Variants in NUP153 observed in about 807,000 individuals in gnomAD.
The protein encoded by NUP153 is nuclear pore complex protein Nup153.
A neutral mutation model predicts 134.6 loss-of-function variants in NUP153; 27 were observed. The observed-to-expected ratio is 0.20, with a 90% CI of 0.15 to 0.28. The LOEUF (loss-of-function observed/expected upper bound fraction) is 0.28. Ranked by LOEUF, NUP153 falls within the 10% of genes least tolerant of loss-of-function variation. NUP153 has a pLI of 1.00. For synonymous variants in NUP153, 640 were observed against 623.5 expected, an observed-to-expected ratio of 1.03 and a Z score of -0.40; for missense variants, 1,821 against 1,731.3, an observed-to-expected ratio of 1.05 and a Z score of -0.92.
intron 11 of NUP153, among the ~76,000 whole-genome samples, chr6:17,657,645 A>G (rs909195771): frequency 4.6e-5 from 7 of 152,184 alleles, no homozygotes; most frequent in African/African-American, 1.4e-4. Flanking sequence ...TATCTATACA[A>G]TGCATCATCT....
At chr6:17,658,425 C>T (rs1183778955) in intron 11 of NUP153, among the ~76,000 whole-genome samples, 2 of 151,922 alleles carry the variant, frequency 1.3e-5, no homozygotes, top group South Asian at 2.1e-4. Context: ...CAAAACAAAA[C>T]ACCCAAAGAA....
intron 1 of NUP153, among the ~76,000 whole-genome samples, chr6:17,697,531 G>A (rs569065052): frequency 6.2e-4 from 95 of 152,198 alleles, no homozygotes; most frequent in African/African-American, 2.2e-3. Flanking sequence ...ATTAAAAAAT[G>A]CAAAAATTAG....
intron 2 of NUP153, among the ~76,000 whole-genome samples, chr6:17,683,919 GGGGTCATGGGAAGTCTTT>G (rs1490196892): frequency 2.0e-5 from 3 of 152,278 alleles, no homozygotes; most frequent in South Asian, 4.1e-4. Flanking sequence ...TGTTGGAAGT[GGGGTCATGGGAAGTCTTT>G]GGGTCATGGG....
At chr6:17,678,906 A>C (rs1458084811) in intron 2 of NUP153, among the ~76,000 whole-genome samples, 1 of 151,484 alleles carries the variant, frequency 6.6e-6, no homozygotes, top group Admixed American at 6.6e-5. Flanking sequence ...TGATGGCACC[A>C]CTGCACTCCA....
rs12190799 is a variant in NUP153 at position 17,697,033 on chromosome 6, T to C, written c.112-8415A>G. ...TTGCAGTGAGCCCAGATCACACCAC[T>C]GCACTCCAGCCTGGGCTACAGAGCA... On this transcript the variant is annotated intron_variant, in intron 1 of 21. Transcript: ENST00000262077. Among the ~76,000 whole-genome samples, 324 of 151,430 alleles carry C rather than the reference T, an allele frequency of 2.1e-3. 1 individual carries two copies. The highest frequency in any genetic ancestry group is 3.0e-3 in the Non-Finnish European group (206 of 67,922).
intron 20 of NUP153, among the ~76,000 whole-genome samples, chr6:17,620,227 T>C (rs1012943135): frequency 8.6e-5 from 13 of 151,774 alleles, no homozygotes; most frequent in African/African-American, 2.4e-4. Flanking sequence ...TCATACTATC[T>C]GACTTCAAAA....
chr6:17,648,802 CA>C (rs35988815), intron 12 of NUP153, among the ~76,000 whole-genome samples: 62,721 of 141,600 alleles, frequency 0.44, 14,231 homozygotes, highest in Middle Eastern at 0.72. Context: ...GACACCATCT[CA>C]AAAAAAAAAA....
At chr6:17,631,719 C>T (rs1765264046) in intron 17 of NUP153, among the ~76,000 whole-genome samples, 1 of 152,200 alleles carries the variant, frequency 6.6e-6, no homozygotes, top group Non-Finnish European at 1.5e-5. Flanking sequence ...GTAATCCCAG[C>T]ACTTTGGGAG....
chr6:17,645,368 A>C (rs2113794797), intron 14 of NUP153, among the ~76,000 whole-genome samples: 1 of 151,664 alleles, frequency 6.6e-6, no homozygotes, highest in South Asian at 2.1e-4. Flanking sequence ...ATCATAGCTC[A>C]CTGTAGCCTT....
intron 5 of NUP153, among the ~76,000 whole-genome samples, chr6:17,674,325 T>A (rs1380747181): frequency 6.6e-6 from 1 of 152,188 alleles, no homozygotes; most frequent in Non-Finnish European, 1.5e-5. Flanking sequence ...GTGTAATTTA[T>A]ACGTCATTTA....
chr6:17,615,953 C>T lies in NUP153; in HGVS notation c.*144G>A, dbSNP rs1046107216. On this transcript the variant is annotated 3_prime_UTR_variant, in exon 22 of 22. Coordinates refer to ENST00000262077, the MANE Select transcript of NUP153 (RefSeq NM_005124.4). The surrounding 1 kb of genome is among the most constrained non-coding windows in gnomAD (Gnocchi z 5.7). Reference sequence around the variant, plus strand: ...GTGAGGCAGGGTGGGGCTTCTGTAACGAAAGAGAAAGGAGGAAAATTCCAA... The same window carrying T: ...GTGAGGCAGGGTGGGGCTTCTGTAATGAAAGAGAAAGGAGGAAAATTCCAA... 17 of 548,844 alleles carry T rather than the reference C, an allele frequency of 3.1e-5. No individual in the cohort carries two copies. The highest frequency in any genetic ancestry group is 5.1e-5 in the Non-Finnish European group (16 of 313,768). 34.0% of individuals were successfully genotyped at this position (548,844 alleles called of 1,614,324 possible). A position where few individuals can be genotyped will look rare whatever the true frequency, so the allele number is the denominator to read the frequency against.
rs1554148664 is a variant in NUP153, at chr6:17,701,842, G to GGC, written c.111+4434_111+4435insGC. ...AGCAAGACTCTGTCTCGGGGGGGGG[G>GGC]GGAAAAAAGCTAAATGCAGGAACTG... On this transcript the variant is annotated intron_variant, in intron 1 of 21. Coordinates refer to ENST00000262077, the MANE Select transcript of NUP153 (RefSeq NM_005124.4). Among the ~76,000 whole-genome samples the GGC allele has an allele frequency of 2.5e-4, 26 of 103,030 alleles. 3 individuals carry two copies. The East Asian group carries it at 3.9e-3, about 15-fold the overall frequency. The allele number at this position is 103,030 out of a possible 152,430, so 67.6% of individuals were successfully genotyped here. A position where few individuals can be genotyped will look rare whatever the true frequency, so the allele number is the denominator to read the frequency against.
intron 18 of NUP153, among the ~76,000 whole-genome samples, chr6:17,627,249 C>A (rs1764991868): frequency 6.6e-6 from 1 of 152,072 alleles, no homozygotes; most frequent in East Asian, 1.9e-4. Context: ...TCTGATTAGA[C>A]CCTATCATGT....
Position 17,628,516 on chromosome 6 carries a change from T to C in NUP153, c.3544+139A>G. 1 of 410,078 alleles carries C rather than the reference T, an allele frequency of 2.4e-6. No individual in the cohort carries two copies. Among genetic ancestry groups the C allele is most frequent in the African/African-American group, 2.1e-5 (1 of 48,666 alleles). The allele number at this position is 410,078 out of a possible 1,614,324, so 25.4% of individuals were successfully genotyped here. A position where few individuals can be genotyped will look rare whatever the true frequency, so the allele number is the denominator to read the frequency against. On this transcript the variant is annotated intron_variant, in intron 18 of 21. Coordinates refer to ENST00000262077, the MANE Select transcript of NUP153 (RefSeq NM_005124.4). This position sits in a 1 kb window ranked among gnomAD's most constrained non-coding sequence, Gnocchi z 5.4. ...GTTCAAACTGAAAATCCTAGGTTCCTTCCCAAAGAGTTCTGTATTTCTCAA... is the reference window on the plus strand; with the variant it reads ...GTTCAAACTGAAAATCCTAGGTTCCCTCCCAAAGAGTTCTGTATTTCTCAA...
chr6:17,693,151 T>A (rs1208602998), intron 1 of NUP153, among the ~76,000 whole-genome samples: 1 of 150,888 alleles, frequency 6.6e-6, no homozygotes, highest in Non-Finnish European at 1.5e-5. Context: ...AAGTTTTTCT[T>A]TACTCACTTT....
At chr6:17,699,339 A>G (rs1476522486) in intron 1 of NUP153, among the ~76,000 whole-genome samples, 1 of 151,898 alleles carries the variant, frequency 6.6e-6, no homozygotes, top group Non-Finnish European at 1.5e-5. Context: ...TACTAAAGAT[A>G]TAAAAACTTA....
intron 2 of NUP153, among the ~76,000 whole-genome samples, chr6:17,687,623 GAGA>G (rs750088741): frequency 5.8e-4 from 88 of 152,226 alleles, no homozygotes; most frequent in Non-Finnish European, 6.2e-4. Flanking sequence ...ATCAGGCAGG[GAGA>G]TGTTACTAAG....
chr6:17,662,437 T>C (rs1490716185), intron 9 of NUP153, among the ~76,000 whole-genome samples: 2 of 152,178 alleles, frequency 1.3e-5, no homozygotes, highest in African/African-American at 4.8e-5. Context: ...AAAGAATTAA[T>C]ACTTCCACTG....
chr6:17,665,313 C>T lies in NUP153; in HGVS notation c.1141G>A (p.Val381Ile). Residue 381 changes from valine (V) to isoleucine (I), a missense_variant, in exon 9 of 22, where the codon GTT becomes ATT. Val to Ile is a conservative substitution (Grantham distance 29, BLOSUM62 3). Coordinates refer to ENST00000262077, the MANE Select transcript of NUP153 (RefSeq NM_005124.4). ...GGAGTCAGAGATGGTTTAAAATAAA[C>T]ACTTCGATTTGTTGCTATGGAAACT... Reference protein sequence around the residue: ...KPVSIATNRSVYFKPSLTPSG... With the variant: ...KPVSIATNRSIYFKPSLTPSG... 6.2e-7 allele frequency: 1 copy of T among 1,613,292 alleles called. No homozygotes were observed. The highest frequency in any genetic ancestry group is 8.5e-7 in the Non-Finnish European group (1 of 1,179,388).
Sources: allele counts gnomAD v4.1 joint callset (sites outside exome capture counted in the v4.1 genomes callset), GRCh38; gene constraint gnomAD v4.1.1; non-coding constraint Gnocchi (gnomAD v3.1); transcripts MANE v1.5; gene names NCBI Gene and HGNC (gene_info 2026-07-23, HGNC 2026-07-21).